Variants in SNX13 observed in about 807,000 individuals in gnomAD.
SNX13 encodes the protein sorting nexin-13.
SNX13 carries 45 observed loss-of-function variants against 133.6 expected under a neutral mutation model. The ratio of observed to expected loss-of-function variants is 0.34; its 90% CI spans 0.27 to 0.43. The LOEUF is 0.43. SNX13 is among the 20% of genes least tolerant of loss of function. SNX13 has a pLI of 1.00. For missense variants in SNX13, 1,032 were observed against 1,145.1 expected (o/e 0.90, Z 1.43); for synonymous variants, 414 against 373.9 (o/e 1.11, Z -1.24).
chr7:17,823,903 A>C lies in SNX13; in HGVS notation c.1705+2119T>G, dbSNP rs1025215094. Among the ~76,000 whole-genome samples the C allele has an allele frequency of 9.2e-5, 14 of 152,318 alleles. No individual in the cohort carries two copies. The East Asian group carries it at 2.7e-3, about 29-fold the overall frequency. Reference sequence around the variant, plus strand: ...GTAAGGAGAATAGCAAGGAACAAAAAAGGAGAAGAGATATAAGAAAGAATA... The same window carrying C: ...GTAAGGAGAATAGCAAGGAACAAAACAGGAGAAGAGATATAAGAAAGAATA... On this transcript the variant is annotated intron_variant, in intron 17 of 25. Coordinates refer to ENST00000428135, the MANE Select transcript of SNX13 (RefSeq NM_015132.5).
At chr7:17,841,601 C>G (rs1291030320) in intron 12 of SNX13, among the ~76,000 whole-genome samples, 4 of 150,672 alleles carry the variant, frequency 2.7e-5, no homozygotes, top group African/African-American at 9.7e-5. Flanking sequence ...CACCCCAAGG[C>G]ATACAAAGTA....
rs544257275 is a variant in SNX13 at position 17,850,331 on chromosome 7, A to G, written c.1065+16T>C. The G allele has an allele frequency of 1.4e-5, 21 of 1,552,226 alleles. No individual in the cohort carries two copies. The highest frequency in any genetic ancestry group is 7.6e-5 in the Admixed American group (4 of 52,726). On this transcript the variant is annotated intron_variant, in intron 11 of 25. Coordinates refer to ENST00000428135, the MANE Select transcript of SNX13 (RefSeq NM_015132.5). ...GTATTTATAACTAAACGTTAATTCA[A>G]AACTACTTTACTTACTTTGCCTGAC...
At chr7:17,937,617 A>T (rs1244957062) in intron 1 of SNX13, among the ~76,000 whole-genome samples, 1 of 152,028 alleles carries the variant, frequency 6.6e-6, no homozygotes, top group Non-Finnish European at 1.5e-5. Context: ...CTATGTACTT[A>T]GTATCCTCAC....
At chr7:17,925,233 A>G (rs1383142252) in intron 1 of SNX13, among the ~76,000 whole-genome samples, 2 of 152,198 alleles carry the variant, frequency 1.3e-5, no homozygotes, top group Non-Finnish European at 2.9e-5. Context: ...AGGCAAAACC[A>G]TAAAGACAGA....
At chr7:17,888,675 C>T (rs1796278932) in intron 5 of SNX13, 1 of 470,360 alleles carries the variant, frequency 2.1e-6, no homozygotes, top group African/African-American at 2.0e-5. Flanking sequence ...TTTCATTTCA[C>T]TCCACTGAGC....
chr7:17,924,664 A>C (rs1800529163), intron 1 of SNX13, among the ~76,000 whole-genome samples: 1 of 152,256 alleles, frequency 6.6e-6, no homozygotes, highest in Non-Finnish European at 1.5e-5. Flanking sequence ...GTGGAAACAC[A>C]ATACAAATGT....
At chr7:17,836,112 TA>T (rs906264968) in intron 13 of SNX13, among the ~76,000 whole-genome samples, 18 of 151,992 alleles carry the variant, frequency 1.2e-4, no homozygotes, top group African/African-American at 4.3e-4. Context: ...ATCTCAAGTA[TA>T]CAGAATAGAT....
intron 1 of SNX13, among the ~76,000 whole-genome samples, chr7:17,934,001 G>C (rs1801727520): frequency 6.6e-6 from 1 of 152,142 alleles, no homozygotes; most frequent in African/African-American, 2.4e-5. Context: ...ATAAATAAGT[G>C]ATAAAGTTGA....
intron 4 of SNX13, 43 bp from the exon 5 acceptor site, chr7:17,890,527 T>G (rs1796512144): frequency 6.8e-7 from 1 of 1,467,868 alleles, no homozygotes; most frequent in African/African-American, 1.4e-5. Context: ...CATTTTAGGA[T>G]TTAAAAAGTT....
intron 1 of SNX13, among the ~76,000 whole-genome samples, chr7:17,938,248 A>G (rs1410206224): frequency 6.6e-6 from 1 of 152,230 alleles, no homozygotes; most frequent in Non-Finnish European, 1.5e-5. Flanking sequence ...ACAAGGAAGT[A>G]CAATAGCATG....
Position 17,890,208 on chromosome 7 carries a change from G to C in SNX13, c.440+155C>G, listed in dbSNP as rs931982228. 22 of 572,228 alleles carry C rather than the reference G, an allele frequency of 3.8e-5. No homozygotes were observed. In the Admixed American group the frequency reaches 6.1e-4, roughly 16 times the overall value. The allele number at this position is 572,228 out of a possible 1,614,324, so 35.4% of individuals were successfully genotyped here. Reference sequence around the variant, plus strand: ...CTGGGGTAATTTAAAGGTTTTAAGAGCTCTAGTTGTAAAATCTTGGAGTTA... The same window carrying C: ...CTGGGGTAATTTAAAGGTTTTAAGACCTCTAGTTGTAAAATCTTGGAGTTA... On this transcript the variant is annotated intron_variant, in intron 5 of 25. Coordinates refer to ENST00000428135, the MANE Select transcript of SNX13 (RefSeq NM_015132.5).
chr7:17,834,722 CA>C, intron 14 of SNX13, 38 bp downstream of exon 14: 1 of 1,353,836 alleles, frequency 7.4e-7, no homozygotes, highest in Non-Finnish European at 1.0e-6. Context: ...TATTTTTTCT[CA>C]AAAAAGATAA....
intron 11 of SNX13, among the ~76,000 whole-genome samples, chr7:17,846,216 G>A (rs1357108142): frequency 6.6e-6 from 1 of 150,710 alleles, no homozygotes; most frequent in African/African-American, 2.4e-5. Context: ...ACTTTTCAAA[G>A]TCACAGAGCA....
chr7:17,842,852 C>G (rs944953295), intron 12 of SNX13, among the ~76,000 whole-genome samples: 3 of 152,052 alleles, frequency 2.0e-5, no homozygotes, highest in South Asian at 4.1e-4. Context: ...TGAAATTAAG[C>G]TGGCATAATT....
intron 21 of SNX13, among the ~76,000 whole-genome samples, 172 bp from the exon 22 acceptor site, chr7:17,801,831 A>G (rs546350008): frequency 6.6e-6 from 1 of 152,186 alleles, no homozygotes; most frequent in South Asian, 2.1e-4. Context: ...TAATTATTTC[A>G]TTACTAAAAG....
chr7:17,862,151 AT>A (rs1362906960), intron 9 of SNX13, among the ~76,000 whole-genome samples: 1 of 152,250 alleles, frequency 6.6e-6, no homozygotes, highest in Admixed American at 6.5e-5. Context: ...ACACTAAAAA[AT>A]ATCTGTATAG....
intron 17 of SNX13, 107 bp downstream of exon 17, chr7:17,825,915 T>C (rs1248368742): frequency 1.0e-5 from 7 of 697,914 alleles, no homozygotes; most frequent in Non-Finnish European, 6.9e-6. Flanking sequence ...AACAAAACTA[T>C]GACTAGAGAA....
intron 11 of SNX13, among the ~76,000 whole-genome samples, chr7:17,848,964 T>A (rs2723572): frequency 2.0e-4 from 31 of 152,050 alleles, no homozygotes; most frequent in African/African-American, 7.5e-4. Context: ...ACTCTGTTCA[T>A]TGAAGTGTAG....
intron 1 of SNX13, among the ~76,000 whole-genome samples, chr7:17,909,946 AAATAT>A (rs1448031773): frequency 6.6e-6 from 1 of 152,238 alleles, no homozygotes; most frequent in Non-Finnish European, 1.5e-5. Flanking sequence ...TCCATTGATC[AAATAT>A]AATACAAGAA....
Sources: allele counts gnomAD v4.1 joint callset (sites outside exome capture counted in the v4.1 genomes callset), GRCh38; gene constraint gnomAD v4.1.1; transcripts MANE v1.5; gene names NCBI Gene and HGNC (gene_info 2026-07-23, HGNC 2026-07-21).